The following TTC7B variants were observed in gnomAD, a reference collection of about 807,000 sequenced individuals.
TTC7B encodes tetratricopeptide repeat protein 7B.
A neutral mutation model predicts 106.8 loss-of-function variants in TTC7B; 28 were observed. The ratio of observed to expected loss-of-function variants is 0.26; its 90% confidence interval spans 0.19 to 0.36. The LOEUF (loss-of-function observed/expected upper bound fraction) is 0.36, where lower values mean the gene tolerates loss of function less well. TTC7B is among the 10% of genes least tolerant of loss of function. The pLI is 1.00. For missense variants in TTC7B, 862 were observed against 1,076.4 expected (o/e 0.80, Z 2.79); for synonymous variants, 405 against 430.6 (o/e 0.94, Z 0.74).
intron 4 of TTC7B, 136 bp from the exon 5 acceptor site, chr14:90,730,332 A>C: frequency 9.9e-7 from 1 of 1,011,380 alleles, no homozygotes; most frequent in Non-Finnish European, 1.4e-6. Context: ...GCACAGGTGT[A>C]GAAGTGCAAG....
intron 13 of TTC7B, among the ~76,000 whole-genome samples, chr14:90,650,404 A>C (rs1287236909): frequency 2.0e-5 from 3 of 152,142 alleles, no homozygotes; most frequent in Admixed American, 6.5e-5. Context: ...AGGGTGACCA[A>C]CTTGTCCTGG....
chr14:90,566,572 G>A (rs1890810429), intron 19 of TTC7B, among the ~76,000 whole-genome samples: 1 of 152,162 alleles, frequency 6.6e-6, no homozygotes, highest in Admixed American at 6.5e-5. Context: ...CTAACACCTG[G>A]AAAGGTATTT....
At chr14:90,640,059 G>A (rs997474012) in intron 15 of TTC7B, among the ~76,000 whole-genome samples, 1 of 152,160 alleles carries the variant, frequency 6.6e-6, no homozygotes, top group Non-Finnish European at 1.5e-5. Flanking sequence ...CGCATGGATC[G>A]CTTGAGCTCA....
intron 13 of TTC7B, among the ~76,000 whole-genome samples, chr14:90,652,398 C>T (rs1885761642): frequency 1.3e-5 from 2 of 151,396 alleles, no homozygotes. Flanking sequence ...GAGTTTGGGG[C>T]TGACTGTCTT....
intron 16 of TTC7B, among the ~76,000 whole-genome samples, chr14:90,613,985 T>G (rs2139844594): frequency 6.6e-6 from 1 of 152,302 alleles, no homozygotes. Context: ...CACGAGAGGC[T>G]TGGTGGTGGT....
At chr14:90,615,539 C>T (rs780266096) in intron 16 of TTC7B, among the ~76,000 whole-genome samples, 8 of 152,174 alleles carry the variant, frequency 5.3e-5, no homozygotes, top group Non-Finnish European at 1.0e-4. Flanking sequence ...TCATGTAGTT[C>T]CACCTTCCTC....
intron 4 of TTC7B, among the ~76,000 whole-genome samples, chr14:90,736,688 C>A (rs1889542389): frequency 6.6e-6 from 1 of 151,754 alleles, no homozygotes; most frequent in South Asian, 2.1e-4. Flanking sequence ...AGTTCAAGAC[C>A]AGCCTGGGCA....
chr14:90,641,194 T>C (rs944248103), intron 15 of TTC7B, among the ~76,000 whole-genome samples: 2 of 152,180 alleles, frequency 1.3e-5, no homozygotes, highest in African/African-American at 4.8e-5. Flanking sequence ...TTAAGCTTAT[T>C]CAAAGTACTT....
intron 9 of TTC7B, among the ~76,000 whole-genome samples, chr14:90,666,227 T>A (rs1412135654): frequency 6.6e-6 from 1 of 152,238 alleles, no homozygotes; most frequent in Admixed American, 6.5e-5. Flanking sequence ...AATGGCGTGA[T>A]CTCGGCTCAC....
At chr14:90,773,504 G>A (rs997620124) in intron 3 of TTC7B, among the ~76,000 whole-genome samples, 19 of 152,130 alleles carry the variant, frequency 1.2e-4, no homozygotes, top group African/African-American at 4.6e-4. Flanking sequence ...CGCAGGGAAC[G>A]ATAATACTAG....
At chr14:90,698,881 T>C (rs752338527) in intron 5 of TTC7B, 10 of 281,386 alleles carry the variant, frequency 3.6e-5, no homozygotes, top group Non-Finnish European at 6.9e-5. Context: ...TTCAAATCCT[T>C]GTTTTTCCAC....
intron 17 of TTC7B, among the ~76,000 whole-genome samples, chr14:90,609,332 A>C (rs542659911): frequency 2.6e-4 from 39 of 152,338 alleles, no homozygotes; most frequent in Admixed American, 2.0e-3. Flanking sequence ...GTGCCCAAAA[A>C]TCTTTTTACC....
chr14:90,589,705 G>T (rs540452340), intron 18 of TTC7B, among the ~76,000 whole-genome samples: 1 of 152,180 alleles, frequency 6.6e-6, no homozygotes, highest in African/African-American at 2.4e-5. Flanking sequence ...GGTAAAACCC[G>T]ACAGTGCGGT....
intron 4 of TTC7B, among the ~76,000 whole-genome samples, chr14:90,737,901 GAGAC>G (rs1889607627): frequency 6.6e-6 from 1 of 152,180 alleles, no homozygotes; most frequent in South Asian, 2.1e-4. Context: ...CAAATCTACA[GAGAC>G]AGACAGCAGA....
intron 7 of TTC7B, among the ~76,000 whole-genome samples, chr14:90,684,896 A>G (rs1468058420): frequency 1.3e-5 from 2 of 152,208 alleles, no homozygotes; most frequent in African/African-American, 4.8e-5. Flanking sequence ...TACTCTAAAA[A>G]ATAAGTAAAC....
intron 17 of TTC7B, among the ~76,000 whole-genome samples, chr14:90,604,398 T>A (rs1302264065): frequency 6.6e-6 from 1 of 152,200 alleles, no homozygotes; most frequent in Non-Finnish European, 1.5e-5. Context: ...GGGATTGCCA[T>A]TAAAGCAAAA....
chr14:90,638,463 AAT>A (rs1231560928), intron 15 of TTC7B, among the ~76,000 whole-genome samples: 1 of 152,210 alleles, frequency 6.6e-6, no homozygotes, highest in Non-Finnish European at 1.5e-5. Context: ...TGATTACAAA[AAT>A]ATTCTGTATA....
chr14:90,672,167 G>T (rs1401276681), intron 9 of TTC7B, among the ~76,000 whole-genome samples: 1 of 152,226 alleles, frequency 6.6e-6, no homozygotes, highest in Admixed American at 6.5e-5. Context: ...TTGGGGACAA[G>T]AGAAGGAAGG....
rs541862826 is a variant in TTC7B at position 90,546,861 on chromosome 14, G to T, written c.2311-5272C>A. ...ATCACCAACAGCGCTAAGCATTAAG[G>T]TCTCATTCCATCCTCTCTCACCTCC... On this transcript the variant is annotated intron_variant, in intron 19 of 19. Transcript: ENST00000328459. 9.2e-5 allele frequency among the ~76,000 whole-genome samples: 14 copies of T among 152,350 alleles called. 1 individual carries two copies. The South Asian group carries it at 2.7e-3, about 29-fold the overall frequency.
Sources: allele counts gnomAD v4.1 joint callset (sites outside exome capture counted in the v4.1 genomes callset), GRCh38; gene constraint gnomAD v4.1.1; transcripts MANE v1.5; gene names NCBI Gene and HGNC (gene_info 2026-07-23, HGNC 2026-07-21).